NEDD4L: variants seen among roughly 807,000 people sequenced by gnomAD.
The protein encoded by NEDD4L is NEDD4 like E3 ubiquitin protein ligase.
A neutral mutation model predicts 148.9 loss-of-function variants in NEDD4L; 54 were observed. The observed-to-expected ratio is 0.36, with a 90% CI of 0.29 to 0.45. NEDD4L has a LOEUF of 0.45. NEDD4L is among the 20% of genes least tolerant of loss of function. The pLI, the probability that NEDD4L is intolerant of heterozygous loss-of-function variation, is 1.00. For missense variants in NEDD4L, 856 were observed against 1,233.8 expected (o/e 0.69, Z 4.59); for synonymous variants, 433 against 440.7 (o/e 0.98, Z 0.22).
chr18:58,274,674 G>C (rs4941373), intron 5 of NEDD4L, among the ~76,000 whole-genome samples: 24,992 of 152,248 alleles, frequency 0.16, 2,245 homozygotes, highest in East Asian at 0.29. Context: ...CCTGCACCAA[G>C]ATCCAGTTCT....
intron 5 of NEDD4L, among the ~76,000 whole-genome samples, chr18:58,278,517 T>C (rs2052503535): frequency 6.6e-6 from 1 of 152,220 alleles, no homozygotes; most frequent in Non-Finnish European, 1.5e-5. Context: ...TCCTCTCCTG[T>C]TCTGCCAAAA....
intron 1 of NEDD4L, among the ~76,000 whole-genome samples, chr18:58,087,419 C>G (rs1351709527): frequency 6.6e-6 from 1 of 152,204 alleles, no homozygotes; most frequent in Non-Finnish European, 1.5e-5. Flanking sequence ...TACAGTCTTT[C>G]CAGTTCCTGC....
chr18:58,096,910 A>G (rs1167799011), intron 1 of NEDD4L, among the ~76,000 whole-genome samples: 1 of 152,186 alleles, frequency 6.6e-6, no homozygotes, highest in Non-Finnish European at 1.5e-5. Context: ...TCATTGTGCT[A>G]AATTGCCATG....
chr18:58,303,934 A>G (rs933303324), intron 5 of NEDD4L, among the ~76,000 whole-genome samples: 1 of 152,214 alleles, frequency 6.6e-6, no homozygotes, highest in Admixed American at 6.5e-5. Flanking sequence ...ACATTCTTAT[A>G]GAGTTGCCCA....
chr18:58,186,908 C>T (rs780051146), intron 2 of NEDD4L, among the ~76,000 whole-genome samples: 6 of 152,238 alleles, frequency 3.9e-5, no homozygotes, highest in African/African-American at 1.2e-4. Context: ...CACTGGTCTA[C>T]ACCACCAGTA....
At chr18:58,191,335 T>C (rs1354735885) in intron 2 of NEDD4L, among the ~76,000 whole-genome samples, 3 of 152,200 alleles carry the variant, frequency 2.0e-5, no homozygotes, top group Non-Finnish European at 4.4e-5. Context: ...GCTTTATTGC[T>C]GATTAGAAGC....
chr18:58,166,388 T>G (rs2036846609), intron 2 of NEDD4L, among the ~76,000 whole-genome samples: 1 of 152,236 alleles, frequency 6.6e-6, no homozygotes, highest in African/African-American at 2.4e-5. Context: ...AGTATTGCAC[T>G]TGGATATTCC....
chr18:58,265,427 G>C (rs2050081411), intron 5 of NEDD4L, among the ~76,000 whole-genome samples: 1 of 152,034 alleles, frequency 6.6e-6, no homozygotes, highest in Admixed American at 6.6e-5. Flanking sequence ...CCATGCTGAG[G>C]ACAAGGAAAT....
In NEDD4L at chr18:58,047,238, A is replaced by G. The variant is rs115404735; in HGVS notation, c.48+2530A>G. 1,089 of 985,090 alleles carry G rather than the reference A, an allele frequency of 1.1e-3. 4 individuals are homozygous for G. The highest frequency in any genetic ancestry group is 0.011 in the African/African-American group (605 of 57,356). The allele number at this position is 985,090 out of a possible 1,614,324, so 61.0% of individuals were successfully genotyped here. On this transcript the variant is annotated intron_variant, in intron 1 of 30. Coordinates refer to ENST00000400345, the MANE Select transcript of NEDD4L (RefSeq NM_001144967.3). ...CACATATGAAGATATTTTGACCGCT[A>G]TTTAGAAGAGTGACCTCATAAATCT... is the stretch of plus-strand genomic sequence containing the variant.
intron 1 of NEDD4L, among the ~76,000 whole-genome samples, chr18:58,157,751 A>G (rs12953449): frequency 0.12 from 17,810 of 152,254 alleles, 1,340 homozygotes; most frequent in East Asian, 0.22. Context: ...CTGCTTTGAC[A>G]TGATAGAAAA....
At chr18:58,263,660 CTTTTTTT>C (rs71173041) in intron 5 of NEDD4L, among the ~76,000 whole-genome samples, 1 of 103,724 alleles carries the variant, frequency 9.6e-6, no homozygotes, top group Non-Finnish European at 1.9e-5. Context: ...ACTTCTTAGG[CTTTTTTT>C]TTTTTTTTTT....
At chr18:58,171,993 C>T (rs1304178702) in intron 2 of NEDD4L, among the ~76,000 whole-genome samples, 1 of 152,192 alleles carries the variant, frequency 6.6e-6, no homozygotes, top group Non-Finnish European at 1.5e-5. Context: ...AAGGAGCACA[C>T]TCTCTTCTTG....
intron 1 of NEDD4L, among the ~76,000 whole-genome samples, chr18:58,097,242 C>T (rs185131570): frequency 6.0e-4 from 92 of 152,292 alleles, no homozygotes; most frequent in Non-Finnish European, 1.0e-3. Flanking sequence ...TTAGTGCCAG[C>T]TCCATGCCAA....
At chr18:58,383,830 G>A (rs949020778) in intron 25 of NEDD4L, among the ~76,000 whole-genome samples, 1 of 152,224 alleles carries the variant, frequency 6.6e-6, no homozygotes, top group African/African-American at 2.4e-5. Flanking sequence ...AGCCTCAGTG[G>A]AACAAAATGT....
chr18:58,213,546 A>G (rs962254632), intron 2 of NEDD4L, among the ~76,000 whole-genome samples: 2 of 152,274 alleles, frequency 1.3e-5, no homozygotes, highest in African/African-American at 4.8e-5. Flanking sequence ...CAAGATGAAA[A>G]TGCTCATTCT....
chr18:58,168,192 T>A (rs905646492), intron 2 of NEDD4L, among the ~76,000 whole-genome samples: 1 of 152,176 alleles, frequency 6.6e-6, no homozygotes, highest in African/African-American at 2.4e-5. Context: ...TGGTCTTCAT[T>A]TTCCTAGATT....
chr18:58,171,976 C>T (rs769043895), intron 2 of NEDD4L, among the ~76,000 whole-genome samples: 3 of 152,126 alleles, frequency 2.0e-5, no homozygotes, highest in East Asian at 1.9e-4. Flanking sequence ...TACTTTATAC[C>T]GTACAGAAGG....
chr18:58,373,687 G>A (rs963594581), intron 24 of NEDD4L, among the ~76,000 whole-genome samples: 53 of 152,190 alleles, frequency 3.5e-4, no homozygotes, highest in African/African-American at 1.1e-3. Flanking sequence ...TTGTCATGGC[G>A]ACATTTGTCT....
intron 26 of NEDD4L, among the ~76,000 whole-genome samples, 191 bp downstream of exon 26, chr18:58,385,777 G>A (rs538634518): frequency 7.0e-4 from 107 of 152,094 alleles, no homozygotes; most frequent in African/African-American, 2.4e-3. Context: ...TTCAGCCACC[G>A]TGCCGCCACC....
Sources: gnomAD v4.1 joint callset for allele counts (sites outside exome capture counted in the v4.1 genomes callset) on GRCh38, gnomAD v4.1.1 for gene constraint, MANE v1.5 for transcripts, NCBI Gene and HGNC (gene_info 2026-07-23, HGNC 2026-07-21) for gene names.